Variants in FLYWCH1 observed in about 807,000 individuals in gnomAD.
FLYWCH1 encodes FLYWCH-type zinc finger 1, also known as FLYWCH-type zinc finger-containing protein 1.
Under a neutral mutation model 66.4 loss-of-function variants are expected in FLYWCH1, and 75 were observed. The observed-to-expected ratio is 1.13, with a 90% CI of 0.94 to 1.37. The LOEUF (loss-of-function observed/expected upper bound fraction) is 1.37, where lower values mean the gene tolerates loss of function less well. Ranked by LOEUF, FLYWCH1 falls within the 40% of genes most tolerant of loss-of-function variation. FLYWCH1 has a pLI of 0.00. For missense variants in FLYWCH1, 1,334 were observed against 1,001.8 expected, an observed-to-expected ratio of 1.33 and a Z score of -4.48; for synonymous variants, 595 against 429.9, an observed-to-expected ratio of 1.38 and a Z score of -4.75.
intron 8 of FLYWCH1, among the ~76,000 whole-genome samples, chr16:2,939,125 T>C (rs2071150382): frequency 6.6e-6 from 1 of 152,104 alleles, no homozygotes; most frequent in Admixed American, 6.6e-5. Flanking sequence ...ATGTGAATAT[T>C]AAGGGCCATG....
chr16:2,938,687 ACTGCAAGCTCCGC>A (rs1288322863), intron 8 of FLYWCH1, among the ~76,000 whole-genome samples: 3 of 139,488 alleles, frequency 2.2e-5, no homozygotes, highest in African/African-American at 8.0e-5. Flanking sequence ...ATCTCGGCTC[ACTGCAAGCTCCGC>A]CTCCCGGGTT....
At chr16:2,921,930 G>C (rs746722147) in intron 2 of FLYWCH1, among the ~76,000 whole-genome samples, 10 of 152,000 alleles carry the variant, frequency 6.6e-5, no homozygotes, top group Non-Finnish European at 1.2e-4. Flanking sequence ...AGGTGTGGTG[G>C]CGCGCGCCTG....
At chr16:2,924,681 G>A (rs1352469679) in intron 2 of FLYWCH1, among the ~76,000 whole-genome samples, 2 of 152,220 alleles carry the variant, frequency 1.3e-5, no homozygotes, top group Admixed American at 6.5e-5. Flanking sequence ...GGCTAGTCAA[G>A]GTTCAGGCAG....
chr16:2,912,733 C>A (rs751936210), intron 1 of FLYWCH1, among the ~76,000 whole-genome samples: 3 of 152,186 alleles, frequency 2.0e-5, no homozygotes, highest in African/African-American at 7.2e-5. Flanking sequence ...TCTTCCACCC[C>A]GTTCCAAAAG....
intron 1 of FLYWCH1, among the ~76,000 whole-genome samples, chr16:2,913,626 C>T (rs1004728028): frequency 3.3e-5 from 5 of 152,140 alleles, no homozygotes; most frequent in African/African-American, 4.8e-5. Flanking sequence ...CAGAATCATC[C>T]GGCCCAAAAT....
rs770398991 is a variant in FLYWCH1 at position 2,930,800 on chromosome 16, C to A, written c.716C>A (p.Pro239Gln). Residue 239 changes from proline to glutamine, a missense_variant, in exon 4 of 10, where the codon CCG (proline) becomes CAG (glutamine). Coordinates refer to ENST00000253928, the MANE Select transcript of FLYWCH1 (RefSeq NM_001308068.2). ...EPTPGLVLSK[P>Q]ALEEEEAPRA... The stretch of plus-strand genomic sequence containing the variant: ...ACTCCTGGGCTGGTGCTGAGCAAGC[C>A]GGCCCTGGAGGAGGAGGAGGCACCC... The A allele has an allele frequency of 6.2e-7, 1 of 1,600,180 alleles. No homozygotes were observed. Among genetic ancestry groups the A allele is most frequent in the Non-Finnish European group, 8.5e-7 (1 of 1,177,024 alleles).
At chr16:2,934,189 C>T (rs1021716975) in intron 6 of FLYWCH1, among the ~76,000 whole-genome samples, 3 of 152,174 alleles carry the variant, frequency 2.0e-5, no homozygotes, top group Non-Finnish European at 4.4e-5. Flanking sequence ...CCAGCCTCCC[C>T]CTTCCAGCCT....
Position 2,930,830 on chromosome 16 carries a change from C to T in FLYWCH1, c.746C>T (p.Ala249Val), listed in dbSNP as rs752990787. ...PALEEEEAPR[A>V]LSLLSLPPKK... ...CTGGAGGAGGAGGAGGCACCCCGAG[C>T]CCTGTCACTGCTGAGCCTGCCGCCC... Residue 249 changes from alanine (A) to valine (V), a missense_variant, in exon 4 of 10, where the codon GCC (alanine) becomes GTC (valine). Coordinates refer to ENST00000253928, the MANE Select transcript of FLYWCH1 (RefSeq NM_001308068.2). The T allele has an allele frequency of 1.1e-5, 17 of 1,602,940 alleles. No homozygotes were observed. In the South Asian group the frequency reaches 1.1e-4, roughly 11 times the overall value.
At position 2,933,390 on chromosome 16, in the gene FLYWCH1, G is replaced by A. The variant is rs2070849411; in HGVS notation, c.1057G>A (p.Ala353Thr). Residue 353 changes from alanine to threonine, a missense_variant, in exon 5 of 10, where the codon GCT (alanine) becomes ACT (threonine). Physicochemically the swap from Ala to Thr is moderately conservative, Grantham distance 58. Transcript: ENST00000253928. ...QQEKAVETLQAGQDGPGSQVD... is the reference protein window; with the variant it reads ...QQEKAVETLQTGQDGPGSQVD... ...GGAGAAGGCCGTGGAGACGCTGCAGGCTGGGCAGGACGGCCCTGGGAGCCA... is the reference window on the plus strand; with the variant it reads ...GGAGAAGGCCGTGGAGACGCTGCAGACTGGGCAGGACGGCCCTGGGAGCCA... The A allele has an allele frequency of 6.2e-7, 1 of 1,602,240 alleles. No homozygotes were observed. Among genetic ancestry groups the A allele is most frequent in the East Asian group, 2.3e-5 (1 of 44,314 alleles).
Position 2,933,471 on chromosome 16 carries a change from C to T in FLYWCH1, c.1138C>T (p.Pro380Ser), listed in dbSNP as rs541355586. 1.7e-4 allele frequency: 270 copies of T among 1,604,486 alleles called. 2 individuals are homozygous for T. In the South Asian group the frequency reaches 2.8e-3, roughly 17 times the overall value. ...DSLLYRRGPG[P>S]LTLTRPRPRK... is the part of the protein sequence containing the mutation. ...TTTGCTCTACCGCAGGGGTCCGGGT[C>T]CCCTGACTCTCACCAGGCCTCGGCC... Residue 380 changes from proline to serine, a missense_variant, in exon 5 of 10, where the codon CCC (proline) becomes TCC (serine). Coordinates refer to ENST00000253928, the MANE Select transcript of FLYWCH1 (RefSeq NM_001308068.2).
chr16:2,924,100 G>A (rs1057214012), intron 2 of FLYWCH1, among the ~76,000 whole-genome samples: 5 of 152,138 alleles, frequency 3.3e-5, no homozygotes, highest in Admixed American at 2.6e-4. Flanking sequence ...GGAGGCCGAG[G>A]CAGGCGGATC....
Position 2,937,192 on chromosome 16 carries a change from G to C in FLYWCH1, c.1585G>C (p.Glu529Gln). The C allele has an allele frequency of 6.2e-7, 1 of 1,606,390 alleles. No individual in the cohort carries two copies. Among genetic ancestry groups the C allele is most frequent in the South Asian group, 1.1e-5 (1 of 90,472 alleles). The change falls in exon 7 of 10, where the codon GAG (glutamate) becomes CAG (glutamine). Residue 529 changes from glutamate (E) to glutamine (Q), a missense_variant. Physicochemically the swap from Glu to Gln is conservative, Grantham distance 29. Coordinates refer to ENST00000253928, the MANE Select transcript of FLYWCH1 (RefSeq NM_001308068.2). ...LVYESFLYRREKAAGEKVYWT... is the reference protein window; with the variant it reads ...LVYESFLYRRQKAAGEKVYWT... ...GTACGAGTCCTTCCTCTACCGGCGG[G>C]AGAAGGCGGCCGGGGAGAAGGTGTA...
chr16:2,949,642 C>T lies in FLYWCH1; in HGVS notation c.*915C>T, dbSNP rs2071618723. The T allele has an allele frequency of 1.3e-5, 2 of 152,138 alleles. No individual in the cohort carries two copies. The highest frequency in any genetic ancestry group is 2.1e-4 in the South Asian group (1 of 4,816). The allele number at this position is 152,138 out of a possible 1,614,324, so 9.4% of individuals were successfully genotyped here. A position where few individuals can be genotyped will look rare whatever the true frequency, so the allele number is the denominator to read the frequency against. On this transcript the variant is annotated 3_prime_UTR_variant, in exon 10 of 10. Coordinates refer to ENST00000253928, the MANE Select transcript of FLYWCH1 (RefSeq NM_001308068.2). ...ACTAACAAGGACCTGTCCGCAGCCGCGAGGTCCTTCACTCCCACCCTGTAA... is the reference window on the plus strand; with the variant it reads ...ACTAACAAGGACCTGTCCGCAGCCGTGAGGTCCTTCACTCCCACCCTGTAA...
chr16:2,947,212 G>C (rs1457178432), intron 9 of FLYWCH1, among the ~76,000 whole-genome samples: 2 of 152,168 alleles, frequency 1.3e-5, no homozygotes, highest in African/African-American at 4.8e-5. Flanking sequence ...TCTTAAAGAA[G>C]CCAGTCACAA....
intron 2 of FLYWCH1, among the ~76,000 whole-genome samples, chr16:2,925,741 G>C (rs1462614033): frequency 2.6e-5 from 4 of 152,074 alleles, no homozygotes; most frequent in Non-Finnish European, 4.4e-5. Flanking sequence ...AGGCTGGGCC[G>C]GGGCTGGGGG....
At chr16:2,928,099 TG>T (rs2070635714) in intron 2 of FLYWCH1, among the ~76,000 whole-genome samples, 1 of 152,234 alleles carries the variant, frequency 6.6e-6, no homozygotes, top group Non-Finnish European at 1.5e-5. Flanking sequence ...AACATCTCAG[TG>T]TAGCAAAGAG....
intron 2 of FLYWCH1, chr16:2,915,174 G>C (rs1420931521): frequency 7.2e-6 from 1 of 138,816 alleles, no homozygotes; most frequent in Admixed American, 7.4e-5. Context: ...GTCTCATTTT[G>C]TTGCCTAGGC....
chr16:2,931,234 C>CAGAG (rs1006428981), intron 4 of FLYWCH1, among the ~76,000 whole-genome samples: 1 of 143,244 alleles, frequency 7.0e-6, no homozygotes. Context: ...ACCCAGGAGG[C>CAGAG]AGAGGTTGCA....
At position 2,937,492 on chromosome 16, in the gene FLYWCH1, T is replaced by C. The variant is rs536942765; in HGVS notation, c.1777+108T>C. On this transcript the variant is annotated intron_variant, in intron 7 of 9. Transcript: ENST00000253928. The stretch of plus-strand genomic sequence containing the variant: ...GTGTTGTGTGTTGTGCATGGTGGTC[T>C]GACAGCCGGGGCCATAAACTCCCCA... The C allele has an allele frequency of 3.1e-6, 4 of 1,301,244 alleles. No individual in the cohort carries two copies. In the East Asian group the frequency reaches 1.1e-4, roughly 36 times the overall value. 80.6% of individuals were successfully genotyped at this position (1,301,244 alleles called of 1,614,324 possible). A position where few individuals can be genotyped will look rare whatever the true frequency, so the allele number is the denominator to read the frequency against.
Sources: allele counts gnomAD v4.1 joint callset (sites outside exome capture counted in the v4.1 genomes callset), GRCh38; gene constraint gnomAD v4.1.1; transcripts MANE v1.5; gene names NCBI Gene and HGNC (gene_info 2026-07-23, HGNC 2026-07-21).